MVK: variants seen among roughly 807,000 people sequenced by gnomAD.
MVK encodes LH receptor mRNA-binding protein.
In MVK, 34 loss-of-function variants were observed where a neutral mutation model predicts 43.2. That is an observed-to-expected ratio of 0.79 (90% CI 0.60 to 1.05). MVK has a LOEUF of 1.05. Ranked by LOEUF, MVK falls within the 50% of genes least tolerant of loss-of-function variation. The pLI is 0.00. For missense variants in MVK, 395 were observed against 504.0 expected (o/e 0.78, Z 2.07); for synonymous variants, 190 against 219.8 (o/e 0.86, Z 1.20).
In MVK at chr12:109,596,416, C is replaced by T. The variant is rs374344390; in HGVS notation, c.1040-10C>T. 2.1e-5 allele frequency: 34 copies of T among 1,612,572 alleles called. No homozygotes were observed. The highest frequency in any genetic ancestry group is 2.7e-5 in the Non-Finnish European group (32 of 1,179,736). On this transcript the variant is annotated splice_polypyrimidine_tract_variant and intron_variant, in intron 10 of 10. Coordinates refer to ENST00000228510, the MANE Select transcript of MVK (RefSeq NM_000431.4). Reference sequence around the variant, plus strand: ...AGTTGTCAAGGGTGACCTGCCTTCCCTCCCCGCAGGGCTGGAGCAGCCAGA... The same window carrying T: ...AGTTGTCAAGGGTGACCTGCCTTCCTTCCCCGCAGGGCTGGAGCAGCCAGA...
rs1051471709 is a variant in MVK, at chr12:109,597,637, C to T, written c.*1060C>T. ...GAAAACAGACTCAAATGTTCTGGCC[C>T]GGGTGCCTGGCACTCCCCACCCCCG... On this transcript the variant is annotated 3_prime_UTR_variant, in exon 11 of 11. Coordinates refer to ENST00000228510, the MANE Select transcript of MVK (RefSeq NM_000431.4). The T allele has an allele frequency of 6.6e-6, 1 of 152,286 alleles. No individual in the cohort carries two copies. The highest frequency in any genetic ancestry group is 2.4e-5 in the African/African-American group (1 of 41,428). The allele number at this position is 152,286 out of a possible 1,614,324, so 9.4% of individuals were successfully genotyped here.
chr12:109,595,804 C>T lies in MVK; in HGVS notation c.1040-622C>T, dbSNP rs930568898. 3.3e-5 allele frequency among the ~76,000 whole-genome samples: 5 copies of T among 152,154 alleles called. No individual in the cohort carries two copies. Among genetic ancestry groups the T allele is most frequent in the Non-Finnish European group, 7.3e-5 (5 of 68,030 alleles). ...GTCCCCTCCTTCCTTCCTTCTTTCT[C>T]TTTCTGTCTTTATCTCCTCCTCTCT... is the stretch of plus-strand genomic sequence containing the variant. On this transcript the variant is annotated intron_variant, in intron 10 of 10. Coordinates refer to ENST00000228510, the MANE Select transcript of MVK (RefSeq NM_000431.4). This position sits in a 1 kb window ranked among gnomAD's most constrained non-coding sequence, Gnocchi z 5.9.
chr12:109,590,227 A>G (rs11067377), intron 7 of MVK: 13,258 of 201,042 alleles, frequency 0.066, 831 homozygotes, highest in South Asian at 0.22. Flanking sequence ...TGGTCTTTCT[A>G]AAACTCCAGC....
upstream of MVK, chr12:109,573,437 C>G (rs367711757): frequency 6.2e-7 from 1 of 1,607,008 alleles, no homozygotes; most frequent in Non-Finnish European, 8.5e-7. Context: ...CAGGCCAAGA[C>G]GGCTCCCCAG....
intron 9 of MVK, among the ~76,000 whole-genome samples, chr12:109,591,869 T>C (rs971028610): frequency 2.0e-5 from 3 of 152,212 alleles, no homozygotes; most frequent in Non-Finnish European, 4.4e-5. Context: ...GGTTGTGACC[T>C]GGTACTTTGG....
intron 3 of MVK, chr12:109,579,228 C>A: frequency 2.2e-6 from 1 of 446,748 alleles, no homozygotes; most frequent in South Asian, 1.6e-5. Flanking sequence ...TTTCTTCAAC[C>A]TCCTGGGCTC....
At chr12:109,586,733 C>T in intron 6 of MVK, 21 bp from the exon 7 acceptor site, 1 of 1,613,958 alleles carries the variant, frequency 6.2e-7, no homozygotes, top group South Asian at 1.1e-5. Flanking sequence ...ACAGCTCTGA[C>T]CCACTGGTTT....
At chr12:109,579,708 T>A (rs1885127084) in intron 3 of MVK, 94 bp from the exon 4 acceptor site, 2 of 1,533,640 alleles carry the variant, frequency 1.3e-6, no homozygotes, top group Non-Finnish European at 9.0e-7. Context: ...CATGTTCCAA[T>A]TCCAGTGACT....
intron 4 of MVK, among the ~76,000 whole-genome samples, chr12:109,580,356 G>A (rs913598123): frequency 6.6e-6 from 1 of 152,162 alleles, no homozygotes; most frequent in South Asian, 2.1e-4. Flanking sequence ...AACTGCCTTG[G>A]CCTCTGAAAG....
rs370291700 is a variant in MVK, at chr12:109,595,188, C to T, written c.1039+7C>T. On this transcript the variant is annotated splice_region_variant and intron_variant, in intron 10 of 10. Coordinates refer to ENST00000228510, the MANE Select transcript of MVK (RefSeq NM_000431.4). This position sits in a 1 kb window ranked among gnomAD's most constrained non-coding sequence, Gnocchi z 5.9. The stretch of plus-strand genomic sequence containing the variant: ...ATCACACTCCTCAAGCCAGGTATCC[C>T]GGGGGTAGGTGGGCCAGGCTGCCAG... 5.9e-5 allele frequency: 96 copies of T among 1,613,738 alleles called. No homozygotes were observed. The East Asian group carries it at 6.9e-4, about 12-fold the overall frequency.
intron 7 of MVK, among the ~76,000 whole-genome samples, chr12:109,587,517 C>G (rs1403234764): frequency 2.6e-5 from 4 of 152,308 alleles, no homozygotes; most frequent in Admixed American, 1.3e-4. Context: ...GAGCCAGGTG[C>G]CTTTTTGACT....
chr12:109,592,109 C>T (rs908264475), intron 9 of MVK, among the ~76,000 whole-genome samples: 3 of 152,262 alleles, frequency 2.0e-5, no homozygotes, highest in South Asian at 2.1e-4. Context: ...CCAGACATGA[C>T]GGTACATATC....
chr12:109,592,939 C>G (rs1885746343), intron 9 of MVK, among the ~76,000 whole-genome samples: 1 of 152,186 alleles, frequency 6.6e-6, no homozygotes, highest in South Asian at 2.1e-4. Context: ...TAAAATACAC[C>G]CTGTCGAGTC....
intron 7 of MVK, chr12:109,587,849 G>A (rs985826170): frequency 2.0e-5 from 3 of 152,232 alleles, no homozygotes; most frequent in African/African-American, 7.2e-5. Flanking sequence ...TGAGATTTGG[G>A]GCTGGGTTAT....
chr12:109,583,782 G>A (rs1885325088), intron 5 of MVK, among the ~76,000 whole-genome samples: 1 of 152,212 alleles, frequency 6.6e-6, no homozygotes, highest in African/African-American at 2.4e-5. Context: ...CTGCTTTGAA[G>A]TCACATATTG....
At chr12:109,575,822 G>C (rs11834517) in intron 2 of MVK, among the ~76,000 whole-genome samples, 176 bp from the exon 3 acceptor site, 1 of 152,172 alleles carries the variant, frequency 6.6e-6, no homozygotes, top group Non-Finnish European at 1.5e-5. Flanking sequence ...TTAGCTGATC[G>C]ATGGTGGCTG....
Position 109,573,831 on chromosome 12 carries a change from C to T in MVK, c.-57C>T. 1 of 226,490 alleles carries T rather than the reference C, an allele frequency of 4.4e-6. No homozygotes were observed. The highest frequency in any genetic ancestry group is 1.3e-4 in the East Asian group (1 of 7,986). The allele number at this position is 226,490 out of a possible 1,614,324, so 14.0% of individuals were successfully genotyped here. A position where few individuals can be genotyped will look rare whatever the true frequency, so the allele number is the denominator to read the frequency against. ...GGGAGTTGGGGAGCTGCTCCGGCTT[C>T]GGCGCGGAGGGGCGGCGGCCGGGGA... On this transcript the variant is annotated 5_prime_UTR_variant, in exon 1 of 11. Coordinates refer to ENST00000228510, the MANE Select transcript of MVK (RefSeq NM_000431.4).
In MVK at chr12:109,595,073, G is replaced by C; in HGVS notation, c.931G>C (p.Gly311Arg). ...GCACCATCTGAATGCCCTCGGCGTG[G>C]GCCACGCCTCTCTGGACCAGCTCTG... ...NQHHLNALGVGHASLDQLCQV... is the reference protein window; with the variant it reads ...NQHHLNALGVRHASLDQLCQV... Residue 311 changes from glycine to arginine, a missense_variant, in exon 10 of 11, where the codon GGC becomes CGC. Coordinates refer to ENST00000228510, the MANE Select transcript of MVK (RefSeq NM_000431.4). The surrounding 1 kb of genome is among the most constrained non-coding windows in gnomAD (Gnocchi z 5.9). 6.2e-7 allele frequency: 1 copy of C among 1,614,150 alleles called. No individual in the cohort carries two copies. The highest frequency in any genetic ancestry group is 8.5e-7 in the Non-Finnish European group (1 of 1,180,018).
Position 109,591,264 on chromosome 12 carries a change from C to T in MVK, c.792C>T (p.Leu264=). 1.9e-6 allele frequency: 3 copies of T among 1,614,230 alleles called. No homozygotes were observed. Among genetic ancestry groups the T allele is most frequent in the Non-Finnish European group, 2.5e-6 (3 of 1,180,048 alleles). ...AGTTCCCAGAGATCGTGGCCCCCCT[C>T]CTGACCTCAATAGATGCCATCTCCC... is the stretch of plus-strand genomic sequence containing the variant. ...LLKFPEIVAP[L]LTSIDAISLE... The change falls in exon 9 of 11, where the codon CTC becomes CTT. Residue 264 remains leucine (L), a synonymous_variant. Transcript: ENST00000228510.
Sources: gnomAD v4.1 joint callset for allele counts (sites outside exome capture counted in the v4.1 genomes callset) on GRCh38, gnomAD v4.1.1 for gene constraint, Gnocchi (gnomAD v3.1) non-coding constraint, MANE v1.5 for transcripts, NCBI Gene and HGNC (gene_info 2026-07-23, HGNC 2026-07-21) for gene names.